Variants in DPP6 observed in about 807,000 individuals in gnomAD.
DPP6 encodes A-type potassium channel modulatory protein DPP6.
Under a neutral mutation model 122.6 loss-of-function variants are expected in DPP6, and 69 were observed. That is an observed-to-expected ratio of 0.56 (90% CI 0.46 to 0.69). The LOEUF (loss-of-function observed/expected upper bound fraction) is 0.69, where lower values mean the gene tolerates loss of function less well. Ranked by LOEUF, DPP6 falls within the 30% of genes least tolerant of loss-of-function variation. The probability of loss-of-function intolerance (pLI) is 0.00; values close to 1 mark genes in which losing one functional copy is unlikely to be tolerated. For missense variants in DPP6, 928 were observed against 1,116.9 expected (o/e 0.83, Z 2.41); for synonymous variants, 418 against 433.1 (o/e 0.97, Z 0.43).
At chr7:154,030,857 G>A (rs953875896) in intron 1 of DPP6, among the ~76,000 whole-genome samples, 34 of 152,114 alleles carry the variant, frequency 2.2e-4, no homozygotes, top group Middle Eastern at 3.4e-3. Flanking sequence ...TGTTTCCAGC[G>A]TGCCAGCCTG....
intron 10 of DPP6, among the ~76,000 whole-genome samples, chr7:154,778,382 C>G (rs1304147583): frequency 6.6e-6 from 1 of 152,050 alleles, no homozygotes; most frequent in Non-Finnish European, 1.5e-5. Flanking sequence ...AGGCTTCTCC[C>G]CAATATGCAC....
At chr7:153,785,968 A>AT in the DPP6 span, among the ~76,000 whole-genome samples, 1 of 151,794 alleles carries the variant, frequency 6.6e-6, no homozygotes, top group South Asian at 2.1e-4. Context: ...TAACAAATGT[A>AT]TAGGAGCCAA....
chr7:154,452,088 A>T (rs1168277614), intron 2 of DPP6, among the ~76,000 whole-genome samples: 2 of 152,200 alleles, frequency 1.3e-5, no homozygotes, highest in Non-Finnish European at 2.9e-5. Context: ...TGTCACCTCG[A>T]CAGAGAATGC....
intron 10 of DPP6, among the ~76,000 whole-genome samples, chr7:154,790,484 A>G (rs1173848021): frequency 6.6e-6 from 1 of 152,214 alleles, no homozygotes; most frequent in African/African-American, 2.4e-5. Context: ...TATAATCTTT[A>G]TAAATTCCAT....
At chr7:154,465,056 T>C (rs946118637) in intron 2 of DPP6, among the ~76,000 whole-genome samples, 5 of 152,226 alleles carry the variant, frequency 3.3e-5, no homozygotes, top group Admixed American at 6.5e-5. Context: ...GTTACATGAA[T>C]GTGTTATCTC....
chr7:154,050,371 A>AT (rs1800239164), upstream of DPP6, among the ~76,000 whole-genome samples: 1 of 152,198 alleles, frequency 6.6e-6, no homozygotes, highest in Admixed American at 6.5e-5. Flanking sequence ...CTATCATTGT[A>AT]TTTTGTATAA....
the DPP6 span, among the ~76,000 whole-genome samples, chr7:153,785,195 T>C: frequency 6.6e-6 from 1 of 152,186 alleles, no homozygotes; most frequent in Non-Finnish European, 1.5e-5. Context: ...CTGGTTATCA[T>C]GGACTGCCAC....
At chr7:154,278,568 T>A (rs1351970620) in intron 1 of DPP6, among the ~76,000 whole-genome samples, 1 of 152,230 alleles carries the variant, frequency 6.6e-6, no homozygotes, top group Non-Finnish European at 1.5e-5. Context: ...ATAAAAATAT[T>A]TGGCTATAGG....
At chr7:154,410,199 G>T (rs1816481432) in intron 1 of DPP6, among the ~76,000 whole-genome samples, 1 of 152,316 alleles carries the variant, frequency 6.6e-6, no homozygotes, top group South Asian at 2.1e-4. Flanking sequence ...CATAACTTCA[G>T]ATTTTCCTAA....
intron 23 of DPP6, among the ~76,000 whole-genome samples, chr7:154,888,433 G>A (rs1434884838): frequency 1.3e-5 from 2 of 152,136 alleles, no homozygotes; most frequent in Admixed American, 6.5e-5. Flanking sequence ...TCTCTGATGC[G>A]ACCTCCTGAG....
intron 1 of DPP6, among the ~76,000 whole-genome samples, chr7:153,979,523 G>C (rs1258018731): frequency 2.0e-5 from 3 of 152,222 alleles, no homozygotes; most frequent in Admixed American, 2.0e-4. Flanking sequence ...CTTCCTAATT[G>C]AATATGCTTT....
chr7:154,184,831 A>G (rs979725007), intron 1 of DPP6, among the ~76,000 whole-genome samples: 2 of 152,182 alleles, frequency 1.3e-5, no homozygotes, highest in African/African-American at 4.8e-5. Flanking sequence ...TCTGCAGCAG[A>G]AGCAATCAGC....
chr7:153,906,341 A>G (rs1007452276), intron 1 of DPP6, among the ~76,000 whole-genome samples: 1 of 152,118 alleles, frequency 6.6e-6, no homozygotes, highest in Non-Finnish European at 1.5e-5. Context: ...GTGACACCCC[A>G]CACTCCTCCC....
At chr7:154,352,508 T>G (rs766079705) in intron 1 of DPP6, among the ~76,000 whole-genome samples, 10 of 152,054 alleles carry the variant, frequency 6.6e-5, no homozygotes, top group African/African-American at 2.4e-4. Flanking sequence ...AATTAAAAAT[T>G]TGTCCTTAAA....
At chr7:153,855,648 C>A in the DPP6 span, among the ~76,000 whole-genome samples, 1 of 152,142 alleles carries the variant, frequency 6.6e-6, no homozygotes, top group African/African-American at 2.4e-5. Context: ...ACCAATAGGG[C>A]TCCCAAATCT....
intron 1 of DPP6, among the ~76,000 whole-genome samples, chr7:154,346,303 C>G (rs963359370): frequency 4.6e-5 from 7 of 152,144 alleles, no homozygotes; most frequent in African/African-American, 1.4e-4. Flanking sequence ...TCTCTTTCAT[C>G]TTTCTTTTTT....
chr7:153,781,161 G>C, the DPP6 span, among the ~76,000 whole-genome samples: 3 of 152,162 alleles, frequency 2.0e-5, no homozygotes, highest in Admixed American at 6.5e-5. Flanking sequence ...TGCACGTCAC[G>C]ATAATGAAGC....
chr7:153,813,275 T>G, the DPP6 span, among the ~76,000 whole-genome samples: 2 of 149,522 alleles, frequency 1.3e-5, no homozygotes, highest in African/African-American at 4.9e-5. Flanking sequence ...GAATATGCAG[T>G]GTTTGGTTTT....
At chr7:154,738,815 G>GCCTGATCAGAACAA (rs1314938531) in intron 8 of DPP6, among the ~76,000 whole-genome samples, 1 of 152,242 alleles carries the variant, frequency 6.6e-6, no homozygotes, top group Non-Finnish European at 1.5e-5. Flanking sequence ...TCAAACGTAA[G>GCCTGATCAGAACAA]CCTGATCAGA....
Sources: allele counts gnomAD v4.1 joint callset (sites outside exome capture counted in the v4.1 genomes callset), GRCh38; gene constraint gnomAD v4.1.1; transcripts MANE v1.5; gene names NCBI Gene and HGNC (gene_info 2026-07-23, HGNC 2026-07-21).